Variants in MARCHF1 observed in about 807,000 individuals in gnomAD.
MARCHF1 encodes the protein membrane associated ring-CH-type finger 1.
In MARCHF1, 40 loss-of-function variants were observed where a neutral mutation model predicts 54.2. The ratio of observed to expected loss-of-function variants is 0.74; its 90% CI spans 0.57 to 0.96. MARCHF1 has a LOEUF of 0.96. MARCHF1 is among the 40% of genes least tolerant of loss of function. The pLI is 0.00. For missense variants in MARCHF1, 586 were observed against 656.5 expected (o/e 0.89, Z 1.17); for synonymous variants, 236 against 236.3 (o/e 1.00, Z 0.01).
intron 3 of MARCHF1, among the ~76,000 whole-genome samples, chr4:163,980,789 T>C (rs1240967969): frequency 6.6e-6 from 1 of 152,230 alleles, no homozygotes; most frequent in Non-Finnish European, 1.5e-5. Flanking sequence ...GATTACTGTA[T>C]TGGAATTTTT....
At chr4:163,818,419 G>A (rs1217244402) in intron 4 of MARCHF1, among the ~76,000 whole-genome samples, 1 of 151,894 alleles carries the variant, frequency 6.6e-6, no homozygotes, top group East Asian at 1.9e-4. Context: ...TGATTCTGTG[G>A]AATTTTGTAC....
At chr4:164,240,293 C>A (rs1036357605) in intron 1 of MARCHF1, among the ~76,000 whole-genome samples, 1 of 152,212 alleles carries the variant, frequency 6.6e-6, no homozygotes, top group Non-Finnish European at 1.5e-5. Context: ...TCACAAAGTA[C>A]CAGCACGTGG....
At chr4:164,226,408 T>C (rs111479260) in intron 1 of MARCHF1, among the ~76,000 whole-genome samples, 6 of 151,658 alleles carry the variant, frequency 4.0e-5, no homozygotes, top group African/African-American at 9.7e-5. Context: ...ACAAACAAAA[T>C]AGATTGGGGA....
At chr4:163,710,502 C>T (rs1415625440) in intron 4 of MARCHF1, among the ~76,000 whole-genome samples, 1 of 152,040 alleles carries the variant, frequency 6.6e-6, no homozygotes, top group Non-Finnish European at 1.5e-5. Context: ...CCCTTTTCTC[C>T]CTAAAAAATA....
At chr4:164,007,430 C>A (rs569390517) in intron 2 of MARCHF1, among the ~76,000 whole-genome samples, 1 of 150,572 alleles carries the variant, frequency 6.6e-6, no homozygotes, top group South Asian at 2.1e-4. Flanking sequence ...ATTAAGCACT[C>A]AGACAAACCC....
intron 4 of MARCHF1, among the ~76,000 whole-genome samples, chr4:163,849,579 A>G (rs572457658): frequency 2.1e-4 from 32 of 152,314 alleles, no homozygotes; most frequent in Non-Finnish European, 3.4e-4. Context: ...TGTATGTTTC[A>G]TCATTCCTAC....
chr4:163,677,040 GCATGA>G (rs1312842929), intron 5 of MARCHF1, among the ~76,000 whole-genome samples: 1 of 151,954 alleles, frequency 6.6e-6, no homozygotes, highest in Non-Finnish European at 1.5e-5. Context: ...GAAAAAGAAG[GCATGA>G]CATAAGAATT....
At chr4:163,647,415 T>C (rs979617336) in intron 5 of MARCHF1, among the ~76,000 whole-genome samples, 1 of 152,054 alleles carries the variant, frequency 6.6e-6, no homozygotes, top group African/African-American at 2.4e-5. Flanking sequence ...GAAATGGACC[T>C]AACAGATATA....
intron 8 of MARCHF1, among the ~76,000 whole-genome samples, chr4:163,575,599 T>C (rs1233656021): frequency 1.3e-5 from 2 of 152,110 alleles, no homozygotes; most frequent in Non-Finnish European, 2.9e-5. Context: ...TCCTCGATTT[T>C]TGGGGATATT....
chr4:164,248,184 C>A (rs1733015775), intron 1 of MARCHF1, among the ~76,000 whole-genome samples: 2 of 151,996 alleles, frequency 1.3e-5, no homozygotes, highest in South Asian at 4.1e-4. Flanking sequence ...TAAACACTGA[C>A]ACAACAATAA....
chr4:164,127,548 C>T (rs967328740), intron 1 of MARCHF1, among the ~76,000 whole-genome samples: 5 of 151,866 alleles, frequency 3.3e-5, no homozygotes, highest in South Asian at 2.1e-4. Context: ...TGAAACAATG[C>T]GGAACCAAAT....
chr4:164,320,829 G>A (rs1211873885), intron 1 of MARCHF1, among the ~76,000 whole-genome samples: 1 of 152,102 alleles, frequency 6.6e-6, no homozygotes, highest in East Asian at 1.9e-4. Context: ...TTGTAGGTTG[G>A]GAACTGAAAG....
At chr4:164,076,506 T>A (rs1754984969) in intron 2 of MARCHF1, among the ~76,000 whole-genome samples, 1 of 152,080 alleles carries the variant, frequency 6.6e-6, no homozygotes, top group Admixed American at 6.6e-5. Flanking sequence ...CTCTCACCAC[T>A]CCTATTCAAC....
chr4:164,007,857 C>T (rs1753331533), intron 2 of MARCHF1, among the ~76,000 whole-genome samples: 1 of 151,732 alleles, frequency 6.6e-6, no homozygotes, highest in Non-Finnish European at 1.5e-5. Context: ...TTAAACTGTC[C>T]TACAAGAAAA....
intron 1 of MARCHF1, among the ~76,000 whole-genome samples, chr4:164,148,727 C>T (rs772096726): frequency 8.5e-5 from 13 of 152,084 alleles, no homozygotes; most frequent in Non-Finnish European, 1.9e-4. Flanking sequence ...GACCACTGTG[C>T]CATTATAAAT....
intron 3 of MARCHF1, among the ~76,000 whole-genome samples, chr4:163,890,682 C>T (rs10030558): frequency 0.4 from 60,602 of 151,856 alleles, 13,271 homozygotes; most frequent in East Asian, 0.7. Flanking sequence ...TTTTTTGATT[C>T]GGGAGTATTT....
intron 1 of MARCHF1, among the ~76,000 whole-genome samples, chr4:164,114,514 G>A (rs1000039520): frequency 2.0e-5 from 3 of 151,100 alleles, no homozygotes; most frequent in Non-Finnish European, 3.0e-5. Context: ...GACAGGAATT[G>A]TTAATATTTA....
intron 2 of MARCHF1, among the ~76,000 whole-genome samples, chr4:164,102,776 A>T (rs181513179): frequency 0.28 from 41,541 of 148,580 alleles, 6,101 homozygotes; most frequent in Non-Finnish European, 0.33. Context: ...ATTAACTTTA[A>T]ATGTCAATGG....
chr4:163,978,437 G>C (rs941260018), intron 3 of MARCHF1, among the ~76,000 whole-genome samples: 1 of 152,064 alleles, frequency 6.6e-6, no homozygotes, highest in Non-Finnish European at 1.5e-5. Context: ...TATTTTATCC[G>C]AGTAAATCTT....
Sources: gnomAD v4.1 joint callset for allele counts (sites outside exome capture counted in the v4.1 genomes callset) on GRCh38, gnomAD v4.1.1 for gene constraint, MANE v1.5 for transcripts, NCBI Gene and HGNC (gene_info 2026-07-23, HGNC 2026-07-21) for gene names.